Variants in ERBB4 observed in about 807,000 individuals in gnomAD.
The protein encoded by ERBB4 is erb-b2 receptor tyrosine kinase 4.
Under a neutral mutation model 158.0 loss-of-function variants are expected in ERBB4, and 42 were observed. The observed-to-expected ratio is 0.27, with a 90% CI of 0.21 to 0.34. The LOEUF (loss-of-function observed/expected upper bound fraction) is 0.34, where lower values mean the gene tolerates loss of function less well. Ranked by LOEUF, ERBB4 falls within the 10% of genes least tolerant of loss-of-function variation. ERBB4 has a pLI of 1.00. For missense variants in ERBB4, 1,333 were observed against 1,624.1 expected, an observed-to-expected ratio of 0.82 and a Z score of 3.08; for synonymous variants, 583 against 558.7, an observed-to-expected ratio of 1.04 and a Z score of -0.61.
chr2:211,901,453 C>A (rs137875471), intron 3 of ERBB4, among the ~76,000 whole-genome samples: 168 of 152,208 alleles, frequency 1.1e-3, no homozygotes, highest in African/African-American at 3.8e-3. Context: ...GCTGTCAGAG[C>A]CCACGGAGAT....
chr2:212,192,118 TA>T (rs1288537569), intron 1 of ERBB4, among the ~76,000 whole-genome samples: 2 of 101,756 alleles, frequency 2.0e-5, no homozygotes, highest in African/African-American at 7.1e-5. Flanking sequence ...ATATATTATA[TA>T]TATTATGTGT....
intron 25 of ERBB4, among the ~76,000 whole-genome samples, chr2:211,398,494 C>T (rs2062967170): frequency 6.6e-6 from 1 of 152,048 alleles, no homozygotes; most frequent in Non-Finnish European, 1.5e-5. Flanking sequence ...TCTCCTTGAT[C>T]TCATTCTTTC....
intron 1 of ERBB4, among the ~76,000 whole-genome samples, chr2:212,517,903 T>C (rs931516073): frequency 2.0e-5 from 3 of 152,022 alleles, no homozygotes; most frequent in Admixed American, 2.0e-4. Flanking sequence ...GCAACCTTGT[T>C]ATTATAAGAA....
intron 1 of ERBB4, among the ~76,000 whole-genome samples, chr2:212,508,214 T>C (rs1345280327): frequency 6.6e-6 from 1 of 152,214 alleles, no homozygotes; most frequent in African/African-American, 2.4e-5. Flanking sequence ...AGTAGAAACA[T>C]AACTTTTATA....
chr2:211,684,509 G>T (rs909887822), intron 12 of ERBB4, among the ~76,000 whole-genome samples: 2 of 152,072 alleles, frequency 1.3e-5, no homozygotes, highest in Non-Finnish European at 1.5e-5. Flanking sequence ...AACCAAGCTT[G>T]CAGGACACAC....
At position 212,456,513 on chromosome 2, in the gene ERBB4, G is replaced by C. The variant is rs113163168; in HGVS notation, c.82+81936C>G. 8.8e-3 allele frequency among the ~76,000 whole-genome samples: 1,332 copies of C among 151,592 alleles called. 25 individuals are homozygous for C. The highest frequency in any genetic ancestry group is 0.03 in the African/African-American group (1,261 of 41,412). ...TTGTTCTTAAGTATAAAAAGACTGA[G>C]TCTGCTGTTTATAAATACCACAATG... On this transcript the variant is annotated intron_variant, in intron 1 of 27. Transcript: ENST00000342788.
intron 1 of ERBB4, among the ~76,000 whole-genome samples, chr2:212,414,834 T>A (rs2091606549): frequency 6.6e-6 from 1 of 152,122 alleles, no homozygotes; most frequent in South Asian, 2.1e-4. Flanking sequence ...ACCAGACTGG[T>A]TTGTCTAATG....
At chr2:211,487,383 A>G (rs1559217525) in intron 20 of ERBB4, among the ~76,000 whole-genome samples, 1 of 151,984 alleles carries the variant, frequency 6.6e-6, no homozygotes, top group Non-Finnish European at 1.5e-5. Context: ...AAAATAAATA[A>G]ATAGCAAATG....
At chr2:211,594,117 C>T (rs564861363) in intron 19 of ERBB4, among the ~76,000 whole-genome samples, 8 of 152,044 alleles carry the variant, frequency 5.3e-5, no homozygotes, top group African/African-American at 1.4e-4. Flanking sequence ...GGAACCCAAC[C>T]GATAACAACA....
At chr2:211,790,177 A>C (rs2076249891) in intron 3 of ERBB4, among the ~76,000 whole-genome samples, 1 of 152,080 alleles carries the variant, frequency 6.6e-6, no homozygotes, top group Admixed American at 6.6e-5. Context: ...ATGATCTCAT[A>C]CTAATAGCTT....
rs149685552 is a variant in ERBB4 at position 211,914,342 on chromosome 2, T to C, written c.421+33088A>G. ...CTGGTAATTGAAGTAAATGAAAACC[T>C]AGAATCAGAGCTACAACTTATGTTA... On this transcript the variant is annotated intron_variant, in intron 3 of 27. Transcript: ENST00000342788. Among the ~76,000 whole-genome samples, 69 of 152,150 alleles carry C rather than the reference T, an allele frequency of 4.5e-4. No homozygotes were observed. In the East Asian group the frequency reaches 0.013, roughly 29 times the overall value.
intron 20 of ERBB4, among the ~76,000 whole-genome samples, chr2:211,510,932 T>A (rs1006457494): frequency 1.3e-5 from 2 of 151,894 alleles, no homozygotes; most frequent in African/African-American, 4.8e-5. Context: ...ATTTTGAAAA[T>A]TTAAGATCAC....
intron 1 of ERBB4, among the ~76,000 whole-genome samples, chr2:212,311,850 T>G: frequency 6.6e-6 from 1 of 150,988 alleles, no homozygotes; most frequent in East Asian, 2.0e-4. Flanking sequence ...AAGCCACATC[T>G]ACAGCCTAAA....
intron 1 of ERBB4, among the ~76,000 whole-genome samples, chr2:212,410,682 T>A (rs1018317470): frequency 3.3e-5 from 5 of 152,070 alleles, no homozygotes; most frequent in Non-Finnish European, 5.9e-5. Context: ...ATATATTCGC[T>A]TAAAAACAAA....
At chr2:211,868,521 A>G (rs1176576401) in intron 3 of ERBB4, among the ~76,000 whole-genome samples, 1 of 152,188 alleles carries the variant, frequency 6.6e-6, no homozygotes, top group African/African-American at 2.4e-5. Flanking sequence ...AAGCCATGTA[A>G]AGTATGATAA....
intron 15 of ERBB4, among the ~76,000 whole-genome samples, chr2:211,664,593 G>A (rs889360026): frequency 1.3e-5 from 2 of 152,072 alleles, no homozygotes; most frequent in African/African-American, 4.8e-5. Context: ...TTCTTTTACA[G>A]TTCAGTGCTT....
chr2:211,766,991 T>C (rs1233202213), intron 4 of ERBB4, among the ~76,000 whole-genome samples: 1 of 152,094 alleles, frequency 6.6e-6, no homozygotes, highest in Non-Finnish European at 1.5e-5. Flanking sequence ...GTCTGACTGG[T>C]TGGGGGCCAC....
At chr2:211,965,282 G>A (rs1277008019) in intron 2 of ERBB4, among the ~76,000 whole-genome samples, 1 of 152,090 alleles carries the variant, frequency 6.6e-6, no homozygotes, top group African/African-American at 2.4e-5. Context: ...ACAGAACTTA[G>A]GAAATGTGTA....
intron 1 of ERBB4, among the ~76,000 whole-genome samples, chr2:212,302,927 A>G (rs561723937): frequency 6.6e-6 from 1 of 151,608 alleles, no homozygotes; most frequent in South Asian, 2.1e-4. Flanking sequence ...TCACTCCTGA[A>G]AAGGTGTTTA....
Sources: gnomAD v4.1 joint callset for allele counts (sites outside exome capture counted in the v4.1 genomes callset) on GRCh38, gnomAD v4.1.1 for gene constraint, MANE v1.5 for transcripts, NCBI Gene and HGNC (gene_info 2026-07-23, HGNC 2026-07-21) for gene names.